The following ZNF407 variants were observed in gnomAD, a reference collection of about 807,000 sequenced individuals.
The protein encoded by ZNF407 is zinc finger protein 407.
ZNF407 carries 17 observed loss-of-function variants against 131.2 expected under a neutral mutation model. That is an observed-to-expected ratio of 0.13 (90% CI 0.09 to 0.19). The LOEUF (loss-of-function observed/expected upper bound fraction) is 0.19, where lower values mean the gene tolerates loss of function less well. Among genes scored for constraint, ZNF407 ranks in the 10% least tolerant of loss-of-function variants. ZNF407 has a pLI of 1.00. For missense variants in ZNF407, 2,681 were observed against 2,830.6 expected, an observed-to-expected ratio of 0.95 and a Z score of 1.20; for synonymous variants, 1,156 against 1,062.0, an observed-to-expected ratio of 1.09 and a Z score of -1.72.
chr18:74,630,182 T>G (rs1453339619), intron 1 of ZNF407, among the ~76,000 whole-genome samples: 4 of 149,918 alleles, frequency 2.7e-5, no homozygotes, highest in Non-Finnish European at 5.9e-5. Context: ...TTTTTTTTTT[T>G]TTTTTTGAGA....
At chr18:74,742,533 T>C (rs1158775936) in intron 3 of ZNF407, among the ~76,000 whole-genome samples, 2 of 152,184 alleles carry the variant, frequency 1.3e-5, no homozygotes, top group African/African-American at 2.4e-5. Context: ...TTTTTGAATA[T>C]TTGTTGATTG....
intron 8 of ZNF407, among the ~76,000 whole-genome samples, chr18:75,031,602 G>C (rs1047106359): frequency 7.2e-5 from 11 of 152,212 alleles, no homozygotes; most frequent in African/African-American, 2.7e-4. Context: ...GTTTTCAGCA[G>C]TTGGTAATTA....
intron 3 of ZNF407, among the ~76,000 whole-genome samples, chr18:74,732,188 A>C (rs1222027107): frequency 3.3e-5 from 5 of 152,206 alleles, no homozygotes; most frequent in Non-Finnish European, 5.9e-5. Context: ...ACATCTTGGG[A>C]AAATGAATGG....
chr18:74,989,091 T>A (rs1032468787), intron 8 of ZNF407, among the ~76,000 whole-genome samples: 1 of 152,102 alleles, frequency 6.6e-6, no homozygotes, highest in Non-Finnish European at 1.5e-5. Context: ...TATCAAAAGA[T>A]AAGTAAATAA....
chr18:75,028,407 C>T (rs1973196982), intron 8 of ZNF407, among the ~76,000 whole-genome samples: 4 of 151,498 alleles, frequency 2.6e-5, no homozygotes, highest in Admixed American at 2.6e-4. Context: ...ACCCTGGTCA[C>T]ATTCGATTAG....
chr18:74,822,147 T>A (rs956505564), intron 4 of ZNF407, among the ~76,000 whole-genome samples: 43 of 152,246 alleles, frequency 2.8e-4, no homozygotes, highest in African/African-American at 9.9e-4. Context: ...TTAAGTTCTT[T>A]GTAGATTCTG....
chr18:74,599,220 T>C (rs1468394163), intron 1 of ZNF407, among the ~76,000 whole-genome samples: 1 of 152,226 alleles, frequency 6.6e-6, no homozygotes, highest in African/African-American at 2.4e-5. Context: ...TATACAAAAT[T>C]ACTGCTACTG....
chr18:74,775,597 C>A (rs1969452261), intron 3 of ZNF407, among the ~76,000 whole-genome samples: 1 of 152,184 alleles, frequency 6.6e-6, no homozygotes, highest in Admixed American at 6.5e-5. Context: ...TCATACTCGA[C>A]AGCAACTTCA....
chr18:74,615,230 G>GGC (rs1396040691), intron 1 of ZNF407, among the ~76,000 whole-genome samples: 1 of 152,350 alleles, frequency 6.6e-6, no homozygotes, highest in East Asian at 1.9e-4. Flanking sequence ...TCACAGGCTG[G>GGC]GCGCGGTGGC....
At chr18:75,028,525 A>AT (rs756923458) in intron 8 of ZNF407, among the ~76,000 whole-genome samples, 7 of 152,182 alleles carry the variant, frequency 4.6e-5, no homozygotes, top group Non-Finnish European at 8.8e-5. Context: ...CAACACAGGA[A>AT]TTTGAGGGGA....
chr18:74,981,925 A>G (rs4891210), intron 8 of ZNF407, among the ~76,000 whole-genome samples: 25,177 of 152,246 alleles, frequency 0.17, 2,293 homozygotes, highest in Admixed American at 0.28. Flanking sequence ...TTTGTAACTG[A>G]ACTCTGAAAT....
intron 3 of ZNF407, among the ~76,000 whole-genome samples, chr18:74,670,891 C>T (rs923400900): frequency 6.6e-6 from 1 of 152,206 alleles, no homozygotes; most frequent in African/African-American, 2.4e-5. Flanking sequence ...GTCTCAGACT[C>T]CTGGGCTTAA....
intron 8 of ZNF407, among the ~76,000 whole-genome samples, chr18:75,028,191 C>T (rs1310447950): frequency 2.0e-5 from 3 of 152,228 alleles, no homozygotes; most frequent in Non-Finnish European, 4.4e-5. Context: ...GCGAGGGCTG[C>T]CGTAACAAAG....
intron 1 of ZNF407, among the ~76,000 whole-genome samples, chr18:74,612,982 G>C (rs1568313799): frequency 6.6e-6 from 1 of 152,036 alleles, no homozygotes; most frequent in East Asian, 1.9e-4. Context: ...ATCTTAGTAA[G>C]TTTTTTTTAA....
At chr18:74,940,402 C>T (rs1972083865) in intron 8 of ZNF407, among the ~76,000 whole-genome samples, 1 of 152,052 alleles carries the variant, frequency 6.6e-6, no homozygotes, top group Admixed American at 6.6e-5. Flanking sequence ...GTGGGGCTGG[C>T]CCAGGAGGAC....
intron 2 of ZNF407, among the ~76,000 whole-genome samples, chr18:74,638,515 C>A (rs1049939697): frequency 2.0e-5 from 3 of 152,148 alleles, no homozygotes; most frequent in Non-Finnish European, 4.4e-5. Flanking sequence ...CTCTTTAATG[C>A]TAATGGCACA....
chr18:74,828,566 A>C (rs1970440402), intron 4 of ZNF407, among the ~76,000 whole-genome samples: 1 of 152,218 alleles, frequency 6.6e-6, no homozygotes, highest in African/African-American at 2.4e-5. Flanking sequence ...ATAATGATGA[A>C]TGTCTACCAG....
At chr18:74,647,525 T>C (rs1158784619) in intron 3 of ZNF407, among the ~76,000 whole-genome samples, 1 of 152,152 alleles carries the variant, frequency 6.6e-6, no homozygotes, top group Admixed American at 6.5e-5. Flanking sequence ...GGGTAGCCAT[T>C]CTCCTGATTT....
chr18:74,680,540 T>G (rs1486299498), intron 3 of ZNF407, among the ~76,000 whole-genome samples: 1 of 152,164 alleles, frequency 6.6e-6, no homozygotes, highest in African/African-American at 2.4e-5. Context: ...GAAAAGTGCT[T>G]ATTGTATGCG....
Sources: allele counts gnomAD v4.1 joint callset (sites outside exome capture counted in the v4.1 genomes callset), GRCh38; gene constraint gnomAD v4.1.1; transcripts MANE v1.5; gene names NCBI Gene and HGNC (gene_info 2026-07-23, HGNC 2026-07-21).